Variants in VPS41 observed in about 807,000 individuals in gnomAD.
VPS41 encodes VPS41 subunit of HOPS complex, also known as vacuolar protein sorting-associated protein 41 homolog.
Under a neutral mutation model 130.9 loss-of-function variants are expected in VPS41, and 85 were observed. That is an observed-to-expected ratio of 0.65 (90% confidence interval 0.55 to 0.78). The LOEUF (loss-of-function observed/expected upper bound fraction) is 0.78, where lower values mean the gene tolerates loss of function less well. VPS41 is among the 30% of genes least tolerant of loss of function. The pLI, the probability that VPS41 is intolerant of heterozygous loss-of-function variation, is 0.00. For missense variants in VPS41, 874 were observed against 1,018.7 expected (o/e 0.86, Z 1.93); for synonymous variants, 335 against 332.9 (o/e 1.01, Z -0.07).
intron 24 of VPS41, 29 bp downstream of exon 24, chr7:38,743,373 T>C: frequency 6.2e-7 from 1 of 1,612,972 alleles, no homozygotes; most frequent in Non-Finnish European, 8.5e-7. Flanking sequence ...GAAAAAAAAG[T>C]TATAACCAGA....
intron 10 of VPS41, among the ~76,000 whole-genome samples, chr7:38,778,015 C>G (rs190847948): frequency 1.3e-5 from 2 of 152,154 alleles, no homozygotes; most frequent in African/African-American, 2.4e-5. Context: ...ATCCTCCTTA[C>G]GCAGCTGTTA....
chr7:38,898,768 C>T (rs1031693671), intron 1 of VPS41, among the ~76,000 whole-genome samples: 1 of 152,204 alleles, frequency 6.6e-6, no homozygotes, highest in Non-Finnish European at 1.5e-5. Context: ...TTGACTTGAT[C>T]CTGCTAATCT....
intron 2 of VPS41, among the ~76,000 whole-genome samples, chr7:38,884,775 T>C (rs1786687204): frequency 6.6e-6 from 1 of 152,228 alleles, no homozygotes. Context: ...TTCAGCTATT[T>C]AGTTGCGTTC....
intron 7 of VPS41, 82 bp from the exon 8 acceptor site, chr7:38,796,946 C>T: frequency 6.6e-7 from 1 of 1,526,290 alleles, no homozygotes; most frequent in South Asian, 1.1e-5. Flanking sequence ...TTTACCTATC[C>T]TCGTGACCAA....
intron 2 of VPS41, among the ~76,000 whole-genome samples, chr7:38,893,776 T>A (rs979704766): frequency 7.2e-5 from 11 of 152,250 alleles, no homozygotes; most frequent in African/African-American, 2.7e-4. Flanking sequence ...ATATTAAAAT[T>A]CTTAAAGTTT....
At chr7:38,853,061 CA>C (rs1270326826) in intron 4 of VPS41, among the ~76,000 whole-genome samples, 1 of 152,172 alleles carries the variant, frequency 6.6e-6, no homozygotes, top group Non-Finnish European at 1.5e-5. Context: ...ATAATTAACA[CA>C]ATATACATGA....
At chr7:38,797,294 A>G (rs1784640997) in intron 7 of VPS41, among the ~76,000 whole-genome samples, 3 of 152,246 alleles carry the variant, frequency 2.0e-5, no homozygotes, top group South Asian at 4.1e-4. Context: ...TAATAGAAAC[A>G]GTCTATGTTT....
At chr7:38,855,041 T>C (rs867175278) in intron 4 of VPS41, among the ~76,000 whole-genome samples, 1 of 151,714 alleles carries the variant, frequency 6.6e-6, no homozygotes. Flanking sequence ...AAACCCTGTC[T>C]CTACTAAAAA....
At chr7:38,818,665 T>C (rs1180843463) in intron 6 of VPS41, among the ~76,000 whole-genome samples, 1 of 152,206 alleles carries the variant, frequency 6.6e-6, no homozygotes, top group Non-Finnish European at 1.5e-5. Context: ...CTGTTGTGGC[T>C]GTAAGCTTGC....
At chr7:38,876,159 ATG>A (rs2116362944) in intron 2 of VPS41, among the ~76,000 whole-genome samples, 1 of 152,290 alleles carries the variant, frequency 6.6e-6, no homozygotes, top group East Asian at 1.9e-4. Flanking sequence ...ACAATTTACA[ATG>A]CACAAGACAC....
intron 10 of VPS41, among the ~76,000 whole-genome samples, chr7:38,783,907 C>T (rs1344590787): frequency 6.6e-6 from 1 of 152,150 alleles, no homozygotes; most frequent in African/African-American, 2.4e-5. Context: ...ATTTTTATTA[C>T]TTGTACCTCT....
At chr7:38,764,902 T>C (rs534402149) in intron 16 of VPS41, among the ~76,000 whole-genome samples, 2 of 152,266 alleles carry the variant, frequency 1.3e-5, no homozygotes, top group Non-Finnish European at 2.9e-5. Flanking sequence ...GAGGCACGAC[T>C]GGATAAAATC....
chr7:38,839,635 T>C (rs2116216178), intron 4 of VPS41, among the ~76,000 whole-genome samples: 1 of 152,206 alleles, frequency 6.6e-6, no homozygotes, highest in African/African-American at 2.4e-5. Context: ...TTCACCATGT[T>C]AGCCAGGCTG....
At chr7:38,888,273 G>A (rs1189595377) in intron 2 of VPS41, among the ~76,000 whole-genome samples, 1 of 152,148 alleles carries the variant, frequency 6.6e-6, no homozygotes, top group Non-Finnish European at 1.5e-5. Context: ...GCAGTATTCA[G>A]GAGACCTACC....
In VPS41 at chr7:38,836,188, C is replaced by T. The variant is rs147317287; in HGVS notation, c.247-5860G>A. On this transcript the variant is annotated intron_variant, in intron 4 of 28. Coordinates refer to ENST00000310301, the MANE Select transcript of VPS41 (RefSeq NM_014396.4). ...TCATTTTTTATTATTTGCTATATTA[C>T]TCAAATTCTTTTTCTTTTCTATCCA... Among the ~76,000 whole-genome samples the T allele has an allele frequency of 4.0e-3, 601 of 151,888 alleles. 4 individuals are homozygous for T. Among genetic ancestry groups the T allele is most frequent in the Non-Finnish European group, 6.6e-3 (446 of 67,832 alleles).
intron 4 of VPS41, among the ~76,000 whole-genome samples, chr7:38,853,669 A>C (rs1785916898): frequency 6.6e-6 from 1 of 152,200 alleles, no homozygotes; most frequent in South Asian, 2.1e-4. Flanking sequence ...CCTGTACTGA[A>C]GAATGAAATC....
intron 25 of VPS41, among the ~76,000 whole-genome samples, chr7:38,734,104 GA>G (rs1795719892): frequency 6.6e-6 from 1 of 152,092 alleles, no homozygotes; most frequent in Non-Finnish European, 1.5e-5. Context: ...AAAACAAAAA[GA>G]ATTTCACTGA....
intron 7 of VPS41, among the ~76,000 whole-genome samples, chr7:38,806,540 A>G (rs1195354263): frequency 6.6e-6 from 1 of 152,224 alleles, no homozygotes; most frequent in African/African-American, 2.4e-5. Flanking sequence ...AGATTACTCT[A>G]AACATTCCTT....
At chr7:38,827,939 T>A (rs1418571915) in intron 5 of VPS41, among the ~76,000 whole-genome samples, 1 of 152,156 alleles carries the variant, frequency 6.6e-6, no homozygotes, top group East Asian at 1.9e-4. Context: ...AGACCATTTA[T>A]TACTGTTGTT....
Sources: allele counts gnomAD v4.1 joint callset (sites outside exome capture counted in the v4.1 genomes callset), GRCh38; gene constraint gnomAD v4.1.1; transcripts MANE v1.5; gene names NCBI Gene and HGNC (gene_info 2026-07-23, HGNC 2026-07-21).